GLYATL2: variants seen among roughly 807,000 people sequenced by gnomAD.
GLYATL2 encodes glycine-N-acyltransferase like 2, also known as glycine N-acyltransferase-like protein 2.
A neutral mutation model predicts 21.4 loss-of-function variants in GLYATL2; 25 were observed. That is an observed-to-expected ratio of 1.17 (90% CI 0.85 to 1.63). GLYATL2 has a LOEUF of 1.63. GLYATL2 is among the 40% of genes most tolerant of loss of function. The probability of loss-of-function intolerance (pLI) is 0.00; values close to 1 mark genes in which losing one functional copy is unlikely to be tolerated. For synonymous variants in GLYATL2, 114 were observed against 118.2 expected (o/e 0.96, Z 0.23); for missense variants, 361 against 343.3 (o/e 1.05, Z -0.41).
intron 2 of GLYATL2, among the ~76,000 whole-genome samples, chr11:58,838,894 C>A (rs923804279): frequency 1.3e-5 from 2 of 152,078 alleles, no homozygotes; most frequent in Non-Finnish European, 2.9e-5. Context: ...AGGAAACTTA[C>A]AATATCAGAA....
intron 1 of GLYATL2, among the ~76,000 whole-genome samples, chr11:58,862,576 G>A (rs948339125): frequency 1.1e-4 from 16 of 151,976 alleles, no homozygotes; most frequent in South Asian, 6.2e-4. Flanking sequence ...TATTCTAGTC[G>A]ATCAAATCTG....
intron 1 of GLYATL2, among the ~76,000 whole-genome samples, chr11:58,882,678 C>T (rs1565104478): frequency 6.6e-6 from 1 of 152,084 alleles, no homozygotes; most frequent in Non-Finnish European, 1.5e-5. Context: ...CTGAATGGTA[C>T]TGCCTAGGTT....
upstream of GLYATL2, among the ~76,000 whole-genome samples, chr11:58,846,618 T>C (rs1284979786): frequency 1.3e-5 from 2 of 152,080 alleles, no homozygotes; most frequent in African/African-American, 2.4e-5. Flanking sequence ...CACCTGCCCA[T>C]GGAGGCAGAG....
At chr11:58,882,325 T>C (rs651936) in intron 1 of GLYATL2, among the ~76,000 whole-genome samples, 132,808 of 152,004 alleles carry the variant, frequency 0.87, 59,185 homozygotes, top group Non-Finnish European at 0.96. Context: ...ATTTCTCTGA[T>C]GACCAGTGAT....
chr11:58,849,215 C>A (rs1853695940), upstream of GLYATL2, among the ~76,000 whole-genome samples: 1 of 152,114 alleles, frequency 6.6e-6, no homozygotes, highest in African/African-American at 2.4e-5. Context: ...AAGAAAGGAA[C>A]ATTAGTGAGC....
chr11:58,864,883 G>T (rs949831278), intron 1 of GLYATL2, among the ~76,000 whole-genome samples: 1 of 148,962 alleles, frequency 6.7e-6, no homozygotes, highest in African/African-American at 2.4e-5. Context: ...AAGTGCCTCA[G>T]CAGCATCAGA....
Position 58,856,623 on chromosome 11 carries a change from G to A in GLYATL2, n.61-18255C>T, listed in dbSNP as rs112051470. The stretch of plus-strand genomic sequence containing the variant: ...TTATAACTGGCGTAATTTAAATGTT[G>A]TTGTGTCTCAGGGAATAGTGAGGCT... On this transcript the variant is annotated intron_variant and non_coding_transcript_variant, in intron 1 of 4. Transcript: ENST00000533636. Among the ~76,000 whole-genome samples, 455 of 152,284 alleles carry A rather than the reference G, an allele frequency of 3.0e-3. 2 individuals carry two copies. Among genetic ancestry groups the A allele is most frequent in the African/African-American group, 0.01 (424 of 41,560 alleles).
intron 1 of GLYATL2, among the ~76,000 whole-genome samples, chr11:58,888,806 A>G (rs560474751): frequency 1.3e-5 from 2 of 152,038 alleles, no homozygotes; most frequent in African/African-American, 2.4e-5. Context: ...TGCAATGTAC[A>G]CAATTGCATA....
upstream of GLYATL2, chr11:58,905,515 G>T (rs1450615807): frequency 1.3e-5 from 6 of 456,140 alleles, no homozygotes; most frequent in Admixed American, 1.4e-4. Flanking sequence ...GCTCCCACTC[G>T]CAATCAAAAG....
At chr11:58,882,837 G>T (rs573704350) in intron 1 of GLYATL2, among the ~76,000 whole-genome samples, 1 of 152,252 alleles carries the variant, frequency 6.6e-6, no homozygotes, top group East Asian at 1.9e-4. Context: ...ATTAAATAGG[G>T]ATTCCTTTAG....
chr11:58,872,523 A>AGCCAGTTTTC (rs1854142831), intron 1 of GLYATL2, among the ~76,000 whole-genome samples: 2 of 152,306 alleles, frequency 1.3e-5, no homozygotes, highest in Non-Finnish European at 2.9e-5. Flanking sequence ...TTTTCCCAGC[A>AGCCAGTTTTC]CCATTTATGA....
rs888182462 is a variant in GLYATL2 at position 58,864,376 on chromosome 11, G to A, written n.61-26008C>T. 1.6e-5 allele frequency among the ~76,000 whole-genome samples: 2 copies of A among 127,206 alleles called. 1 individual carries two copies. Among genetic ancestry groups the A allele is most frequent in the Admixed American group, 1.9e-4 (2 of 10,810 alleles). The allele number at this position is 127,206 out of a possible 152,430, so 83.5% of individuals were successfully genotyped here. On this transcript the variant is annotated intron_variant and non_coding_transcript_variant, in intron 1 of 4. Transcript: ENST00000533636. ...GGTAGATCTGGCATTAAATTAAGAT[G>A]TACCCAGAAACCAAGTCCACCAGGC...
intron 3 of GLYATL2, 83 bp downstream of exon 3, chr11:58,838,178 C>A: frequency 1.2e-6 from 1 of 867,224 alleles, no homozygotes; most frequent in South Asian, 1.6e-5. Flanking sequence ...CTTCTCACCA[C>A]TCCTCAGTTT....
At chr11:58,895,298 A>G (rs1854614762) in intron 1 of GLYATL2, among the ~76,000 whole-genome samples, 1 of 152,250 alleles carries the variant, frequency 6.6e-6, no homozygotes, top group South Asian at 2.1e-4. Flanking sequence ...TAAACACAAT[A>G]CAAATGAATG....
upstream of GLYATL2, among the ~76,000 whole-genome samples, chr11:58,905,049 C>T (rs1382689540): frequency 6.6e-6 from 1 of 152,146 alleles, no homozygotes; most frequent in Non-Finnish European, 1.5e-5. Context: ...TTGGAGATAC[C>T]CAACTCTGGA....
intron 1 of GLYATL2, among the ~76,000 whole-genome samples, chr11:58,863,170 G>C (rs1853962292): frequency 6.6e-6 from 1 of 152,124 alleles, no homozygotes; most frequent in Non-Finnish European, 1.5e-5. Flanking sequence ...TGTCTATAAA[G>C]GCAGGCATGC....
intron 1 of GLYATL2, among the ~76,000 whole-genome samples, chr11:58,867,145 G>A (rs989581979): frequency 1.5e-4 from 23 of 148,756 alleles, no homozygotes; most frequent in African/African-American, 4.9e-4. Flanking sequence ...ATTCAAAGAT[G>A]GCCAGCTCAT....
chr11:58,886,733 G>A (rs1468981124), intron 1 of GLYATL2, among the ~76,000 whole-genome samples: 1 of 152,048 alleles, frequency 6.6e-6, no homozygotes, highest in African/African-American at 2.4e-5. Flanking sequence ...CCTTTTTTGT[G>A]TGTGTTTTAT....
intron 1 of GLYATL2, among the ~76,000 whole-genome samples, chr11:58,868,107 G>A (rs1367427645): frequency 2.0e-5 from 3 of 148,762 alleles, no homozygotes; most frequent in African/African-American, 7.3e-5. Context: ...CCATTCTCCT[G>A]GCCAAAGTCC....
Sources: gnomAD v4.1 joint callset for allele counts (sites outside exome capture counted in the v4.1 genomes callset) on GRCh38, gnomAD v4.1.1 for gene constraint, MANE v1.5 for transcripts, NCBI Gene and HGNC (gene_info 2026-07-23, HGNC 2026-07-21) for gene names.